CDH13: variants seen among roughly 807,000 people sequenced by gnomAD.
CDH13 encodes the protein cadherin-13.
In CDH13, 24 loss-of-function variants were observed where a neutral mutation model predicts 63.8. The ratio of observed to expected loss-of-function variants is 0.38; its 90% CI spans 0.27 to 0.53. The LOEUF (loss-of-function observed/expected upper bound fraction) is 0.53. Ranked by LOEUF, CDH13 falls within the 20% of genes least tolerant of loss-of-function variation. The pLI is 0.85. For synonymous variants in CDH13, 503 were observed against 355.3 expected, an observed-to-expected ratio of 1.42 and a Z score of -4.67; for missense variants, 1,049 against 903.1, an observed-to-expected ratio of 1.16 and a Z score of -2.07.
rs544682179 is a variant in CDH13 at position 83,202,920 on chromosome 16, A to C, written c.484-14425A>C. Among the ~76,000 whole-genome samples the C allele has an allele frequency of 5.3e-5, 8 of 152,268 alleles. No individual in the cohort carries two copies. The East Asian group carries it at 1.5e-3, about 29-fold the overall frequency. ...GAAGTGGGGAGGGATGGGGTAGGGC[A>C]AGGGCTGAAAAACTTCCTTTTGGGG... On this transcript the variant is annotated intron_variant, in intron 4 of 13. Coordinates refer to ENST00000567109, the MANE Select transcript of CDH13 (RefSeq NM_001257.5).
chr16:82,904,739 G>A (rs938240483), intron 2 of CDH13, among the ~76,000 whole-genome samples: 1 of 152,154 alleles, frequency 6.6e-6, no homozygotes, highest in African/African-American at 2.4e-5. Context: ...AGGTTTAACG[G>A]GTGGTCAGTA....
chr16:83,233,529 C>A (rs1386384243), intron 5 of CDH13, among the ~76,000 whole-genome samples: 1 of 152,170 alleles, frequency 6.6e-6, no homozygotes, highest in African/African-American at 2.4e-5. Context: ...GGGCTAAAAC[C>A]AAGCTGTGGG....
chr16:83,032,893 A>T (rs143626422), intron 3 of CDH13, among the ~76,000 whole-genome samples: 1 of 152,232 alleles, frequency 6.6e-6, no homozygotes, highest in Non-Finnish European at 1.5e-5. Flanking sequence ...TGGATAGACC[A>T]GAAAAGGTGA....
intron 2 of CDH13, among the ~76,000 whole-genome samples, chr16:82,943,095 A>T (rs1904319548): frequency 6.6e-6 from 1 of 152,194 alleles, no homozygotes; most frequent in South Asian, 2.1e-4. Context: ...GACTAATTGC[A>T]CTTTGGAATC....
chr16:82,999,676 G>A (rs1912649514), intron 2 of CDH13, among the ~76,000 whole-genome samples: 1 of 152,116 alleles, frequency 6.6e-6, no homozygotes, highest in Admixed American at 6.5e-5. Flanking sequence ...AACTGTATAA[G>A]TATTAAACAA....
chr16:83,754,193 A>G (rs933620249), intron 11 of CDH13, among the ~76,000 whole-genome samples: 2 of 152,198 alleles, frequency 1.3e-5, no homozygotes, highest in Non-Finnish European at 2.9e-5. Flanking sequence ...AGCTCTCCTC[A>G]AATACATAGC....
At chr16:82,836,533 C>T (rs1323445520) in intron 1 of CDH13, among the ~76,000 whole-genome samples, 4 of 152,006 alleles carry the variant, frequency 2.6e-5, no homozygotes, top group Non-Finnish European at 5.9e-5. Flanking sequence ...TGTATGTATC[C>T]CACTTTGAGG....
chr16:83,741,246 T>A (rs1434962642), intron 10 of CDH13, among the ~76,000 whole-genome samples: 1 of 152,200 alleles, frequency 6.6e-6, no homozygotes, highest in Non-Finnish European at 1.5e-5. Context: ...TGTATTTCCT[T>A]CAATTGGGAG....
At chr16:83,159,300 T>G (rs1367489704) in intron 4 of CDH13, among the ~76,000 whole-genome samples, 1 of 152,204 alleles carries the variant, frequency 6.6e-6, no homozygotes, top group African/African-American at 2.4e-5. Flanking sequence ...CTTTTAAAAA[T>G]AAAGCCAATG....
chr16:83,659,297 G>T (rs1054638194), intron 8 of CDH13, among the ~76,000 whole-genome samples: 1 of 148,912 alleles, frequency 6.7e-6, no homozygotes, highest in African/African-American at 2.5e-5. Flanking sequence ...TCACCACCAG[G>T]TCCCGTATCC....
At chr16:82,863,747 T>C (rs1031472572) in intron 2 of CDH13, among the ~76,000 whole-genome samples, 3 of 152,220 alleles carry the variant, frequency 2.0e-5, no homozygotes, top group Non-Finnish European at 4.4e-5. Flanking sequence ...ATAATGGCCA[T>C]CTGAAATTGG....
At chr16:83,317,536 T>C (rs975509462) in intron 5 of CDH13, among the ~76,000 whole-genome samples, 1 of 152,152 alleles carries the variant, frequency 6.6e-6, no homozygotes, top group African/African-American at 2.4e-5. Flanking sequence ...AGTCAAGTGC[T>C]GCAAGTAAGA....
At chr16:82,810,737 G>A (rs571371941) in intron 1 of CDH13, among the ~76,000 whole-genome samples, 35 of 152,224 alleles carry the variant, frequency 2.3e-4, no homozygotes, top group Admixed American at 7.9e-4. Flanking sequence ...TGGGTTTTGC[G>A]TGTGAAGAGC....
intron 3 of CDH13, among the ~76,000 whole-genome samples, chr16:83,097,608 C>T (rs1337451579): frequency 6.6e-6 from 1 of 152,136 alleles, no homozygotes; most frequent in Non-Finnish European, 1.5e-5. Flanking sequence ...TCACAGCTTG[C>T]CTGACTGGGA....
chr16:83,281,247 C>A (rs1230039575), intron 5 of CDH13, among the ~76,000 whole-genome samples: 1 of 152,254 alleles, frequency 6.6e-6, no homozygotes, highest in African/African-American at 2.4e-5. Flanking sequence ...GCTGCTTCGC[C>A]TAGCACTATG....
intron 5 of CDH13, among the ~76,000 whole-genome samples, chr16:83,343,711 T>C (rs968110087): frequency 6.6e-6 from 1 of 152,194 alleles, no homozygotes; most frequent in Admixed American, 6.5e-5. Flanking sequence ...TTGAGACATA[T>C]TATATGATAG....
chr16:82,971,580 A>G (rs112028201), intron 2 of CDH13, among the ~76,000 whole-genome samples: 1,747 of 152,260 alleles, frequency 0.011, 36 homozygotes, highest in African/African-American at 0.04. Flanking sequence ...CCAGTTCACC[A>G]TGTTGTTTCT....
chr16:82,791,223 C>T (rs1054465239), intron 1 of CDH13, among the ~76,000 whole-genome samples: 4 of 115,680 alleles, frequency 3.5e-5, no homozygotes, highest in East Asian at 2.5e-4. Context: ...GGCGACAAAG[C>T]GAGACTCCGT....
chr16:82,833,033 C>T (rs1450864507), intron 1 of CDH13, among the ~76,000 whole-genome samples: 1 of 152,180 alleles, frequency 6.6e-6, no homozygotes, highest in African/African-American at 2.4e-5. Context: ...AAATTCCCAT[C>T]TTACAGTTAT....
Sources: gnomAD v4.1 joint callset for allele counts (sites outside exome capture counted in the v4.1 genomes callset) on GRCh38, gnomAD v4.1.1 for gene constraint, MANE v1.5 for transcripts, NCBI Gene and HGNC (gene_info 2026-07-23, HGNC 2026-07-21) for gene names.